NBPF11: variants seen among roughly 807,000 people sequenced by gnomAD.
NBPF11 encodes NBPF member 11, also known as NBPF family member NBPF11.
A neutral mutation model predicts 93.9 loss-of-function variants in NBPF11; 72 were observed. The ratio of observed to expected loss-of-function variants is 0.77; its 90% CI spans 0.63 to 0.93. The LOEUF (loss-of-function observed/expected upper bound fraction) is 0.93, where lower values mean the gene tolerates loss of function less well. NBPF11 is among the 40% of genes least tolerant of loss of function. NBPF11 has a pLI of 0.00. For missense variants in NBPF11, 705 were observed against 802.2 expected (o/e 0.88, Z 1.46); for synonymous variants, 224 against 304.9 (o/e 0.73, Z 2.76).
intron 1 of NBPF11, among the ~76,000 whole-genome samples, chr1:148,147,393 A>G (rs1426533536): frequency 2.0e-5 from 3 of 152,016 alleles, no homozygotes; most frequent in African/African-American, 7.3e-5. Flanking sequence ...CAGGGCCTAC[A>G]GGGTAAGGTG....
chr1:148,111,771 G>T lies in NBPF11; in HGVS notation c.1638-1230C>A, dbSNP rs1378655650. 3.3e-5 allele frequency among the ~76,000 whole-genome samples: 5 copies of T among 151,664 alleles called. No homozygotes were observed. In the East Asian group the frequency reaches 9.7e-4, roughly 29 times the overall value. Reference sequence around the variant, plus strand: ...GACTATGTGAAAAGACCAAATCTACGTTTGATTGGTGTACTGAAAGTGACG... The same window carrying T: ...GACTATGTGAAAAGACCAAATCTACTTTTGATTGGTGTACTGAAAGTGACG... On this transcript the variant is annotated intron_variant, in intron 15 of 23. Transcript: ENST00000682118.
At chr1:148,131,979 T>A (rs1410266241) in intron 4 of NBPF11, among the ~76,000 whole-genome samples, 1 of 119,162 alleles carries the variant, frequency 8.4e-6, no homozygotes, top group Non-Finnish European at 1.7e-5. Flanking sequence ...TATCTCATTG[T>A]TGCACTGATT....
chr1:148,151,812 C>A lies in NBPF11; in HGVS notation c.-611G>T, dbSNP rs1444950759. ...CTTCCCATCCAGGCTGCAGCCGTGC[C>A]GCCGTACCTCGGCCCCGCTCCTGGC... On this transcript the variant is annotated 5_prime_UTR_variant, in exon 1 of 24. Transcript: ENST00000682118. 6.6e-6 allele frequency: 1 copy of A among 152,132 alleles called. No homozygotes were observed. Among genetic ancestry groups the A allele is most frequent in the African/African-American group, 2.4e-5 (1 of 41,330 alleles). The allele number at this position is 152,132 out of a possible 1,614,324, so 9.4% of individuals were successfully genotyped here. A position where few individuals can be genotyped will look rare whatever the true frequency, so the allele number is the denominator to read the frequency against.
At chr1:148,133,309 A>C (rs1670724665) in intron 4 of NBPF11, among the ~76,000 whole-genome samples, 2 of 151,986 alleles carry the variant, frequency 1.3e-5, no homozygotes, top group African/African-American at 2.4e-5. Context: ...ATACTTTATT[A>C]ATTTTTCTTA....
rs1264960681 is a variant in NBPF11, at chr1:148,135,885, C to G, written c.-177-72G>C. On this transcript the variant is annotated intron_variant, in intron 3 of 23. Transcript: ENST00000682118. The stretch of plus-strand genomic sequence containing the variant: ...GTTTTACCAATGAGACACTTTCTTA[C>G]CATGACCCTGTTCACTTGAGTGCCC... 25 of 934,042 alleles carry G rather than the reference C, an allele frequency of 2.7e-5. No homozygotes were observed. The East Asian group carries it at 6.1e-4, about 23-fold the overall frequency. The allele number at this position is 934,042 out of a possible 1,614,324, so 57.9% of individuals were successfully genotyped here.
chr1:148,112,602 C>A (rs1227118792), intron 15 of NBPF11, among the ~76,000 whole-genome samples: 1 of 144,070 alleles, frequency 6.9e-6, no homozygotes, highest in Non-Finnish European at 1.5e-5. Flanking sequence ...TGAATAGAGC[C>A]GCAATAAACA....
Position 148,122,223 on chromosome 1 carries a change from G to T in NBPF11, c.610C>A (p.Leu204Met), listed in dbSNP as rs1170586399. The T allele has an allele frequency of 4.6e-5, 74 of 1,611,964 alleles. 2 individuals are homozygous for T. In the African/African-American group the frequency reaches 8.7e-4, roughly 19 times the overall value. ...AEESKVPEDS[L>M]EECAITCSNS... ...GAACAAGTGATGGCACATTCCTCCA[G>T]TGAGTCCTCAGGGACTTTGCTCTCT... is the stretch of plus-strand genomic sequence containing the variant. Residue 204 changes from leucine (L) to methionine (M), a missense_variant, in exon 9 of 24, where the codon CTG (leucine) becomes ATG (methionine). By Grantham distance (15) the Leu-to-Met change is conservative. Coordinates refer to ENST00000682118, the MANE Select transcript of NBPF11 (RefSeq NM_001385469.3).
At chr1:148,122,939 A>G (rs1418065378) in intron 7 of NBPF11, 138 bp from the exon 8 acceptor site, 18 of 1,490,424 alleles carry the variant, frequency 1.2e-5, no homozygotes, top group African/African-American at 1.1e-4. Context: ...ATCCTTCACA[A>G]AATGCCCTGG....
intron 15 of NBPF11, among the ~76,000 whole-genome samples, 178 bp downstream of exon 15, chr1:148,114,259 G>A (rs1356978359): frequency 6.6e-6 from 1 of 151,718 alleles, no homozygotes; most frequent in Non-Finnish European, 1.5e-5. Flanking sequence ...ATCTTGAGAG[G>A]ACTATGAAAT....
chr1:148,122,722 A>T lies in NBPF11; in HGVS notation c.566+7T>A, dbSNP rs200449036. The T allele has an allele frequency of 1.9e-6, 3 of 1,609,562 alleles. No individual in the cohort carries two copies. Among genetic ancestry groups the T allele is most frequent in the South Asian group, 2.2e-5 (2 of 90,916 alleles). ...CCCATTACTTGCTCCTGAGTATTCA[A>T]TGTTACCTGGGGGCAGATGATTCCA... is the stretch of plus-strand genomic sequence containing the variant. On this transcript the variant is annotated splice_region_variant and intron_variant, in intron 8 of 23. Coordinates refer to ENST00000682118, the MANE Select transcript of NBPF11 (RefSeq NM_001385469.3).
intron 1 of NBPF11, among the ~76,000 whole-genome samples, chr1:148,148,394 G>A (rs1246427592): frequency 2.3e-4 from 35 of 152,128 alleles, no homozygotes; most frequent in Non-Finnish European, 4.0e-4. Flanking sequence ...GGTGGGTCCC[G>A]CGTGCTTGGG....
chr1:148,149,135 G>C, intron 1 of NBPF11: 2 of 1,582,440 alleles, frequency 1.3e-6, no homozygotes, highest in Non-Finnish European at 1.7e-6. Context: ...TGGAGGCCGC[G>C]GCTGACCCTG....
At chr1:148,119,378 G>A (rs1667295545) in intron 10 of NBPF11, among the ~76,000 whole-genome samples, 1 of 152,044 alleles carries the variant, frequency 6.6e-6, no homozygotes, top group South Asian at 2.1e-4. Context: ...CTAGGAGATT[G>A]ACAAGAAATA....
At chr1:148,145,531 G>T (rs1468601809) in intron 1 of NBPF11, among the ~76,000 whole-genome samples, 3 of 148,674 alleles carry the variant, frequency 2.0e-5, no homozygotes, top group African/African-American at 7.5e-5. Context: ...TCTTAAACAG[G>T]ACACAATAAG....
At chr1:148,146,666 C>T (rs1484319639) in intron 1 of NBPF11, 3 of 1,611,658 alleles carry the variant, frequency 1.9e-6, no homozygotes, top group Non-Finnish European at 2.5e-6. Context: ...GTCTTCCCCA[C>T]CAAGAGCGCC....
At position 148,151,970 on chromosome 1, in the gene NBPF11, C is replaced by G. The variant is rs1223854943; in HGVS notation, c.-769G>C. ...GCCGCCCAGCAACTTGCTTGCGGCC[C>G]GCTGGCTCCTCAGGGTCCGGATGGG... is the stretch of plus-strand genomic sequence containing the variant. On this transcript the variant is annotated 5_prime_UTR_variant, in exon 1 of 24. Coordinates refer to ENST00000682118, the MANE Select transcript of NBPF11 (RefSeq NM_001385469.3). The G allele has an allele frequency of 2.0e-5, 3 of 152,440 alleles. No homozygotes were observed. The highest frequency in any genetic ancestry group is 1.3e-4 in the Admixed American group (2 of 15,284). The allele number at this position is 152,440 out of a possible 1,614,324, so 9.4% of individuals were successfully genotyped here.
At chr1:148,150,973 C>T (rs1357521954) in intron 1 of NBPF11, among the ~76,000 whole-genome samples, 1 of 151,798 alleles carries the variant, frequency 6.6e-6, no homozygotes, top group Admixed American at 6.6e-5. Context: ...ATGATCCGCC[C>T]GCGTCGGCCT....
rs1343968715 is a variant in NBPF11 at position 148,103,887 on chromosome 1, C to T, written c.*9G>A. The T allele has an allele frequency of 6.2e-7, 1 of 1,611,032 alleles. No homozygotes were observed. The highest frequency in any genetic ancestry group is 8.5e-7 in the Non-Finnish European group (1 of 1,179,210). ...GAGTCCTGTAAGACTTCAGGCACTT[C>T]CACTTCCATCAGCACGCTGCTGAGC... On this transcript the variant is annotated 3_prime_UTR_variant, in exon 24 of 24. Transcript: ENST00000682118.
intron 4 of NBPF11, among the ~76,000 whole-genome samples, chr1:148,133,258 C>T: frequency 6.6e-6 from 1 of 151,782 alleles, no homozygotes; most frequent in Non-Finnish European, 1.5e-5. Context: ...CAAACACAGT[C>T]ATTATCTGTG....
Sources: allele counts gnomAD v4.1 joint callset (sites outside exome capture counted in the v4.1 genomes callset), GRCh38; gene constraint gnomAD v4.1.1; transcripts MANE v1.5; gene names NCBI Gene and HGNC (gene_info 2026-07-23, HGNC 2026-07-21).